The following SH3PXD2A variants were observed in gnomAD, a reference collection of about 807,000 sequenced individuals.
The protein encoded by SH3PXD2A is SH3 and PX domain-containing protein 2A.
In SH3PXD2A, 32 loss-of-function variants were observed where a neutral mutation model predicts 115.2. The ratio of observed to expected loss-of-function variants is 0.28; its 90% CI spans 0.21 to 0.37. The LOEUF (loss-of-function observed/expected upper bound fraction) is 0.37, where lower values mean the gene tolerates loss of function less well. Among genes scored for constraint, SH3PXD2A ranks in the 10% least tolerant of loss-of-function variants. The pLI is 1.00. For synonymous variants in SH3PXD2A, 610 were observed against 629.1 expected (o/e 0.97, Z 0.45); for missense variants, 1,328 against 1,498.7 (o/e 0.89, Z 1.88).
intron 7 of SH3PXD2A, chr10:103,661,627 C>G (rs2037304888): frequency 2.0e-6 from 2 of 982,720 alleles, no homozygotes; most frequent in African/African-American, 3.5e-5. Flanking sequence ...TGCCCCCAAC[C>G]CCTGCAAACC....
chr10:103,743,705 A>T (rs2038468789), intron 3 of SH3PXD2A, among the ~76,000 whole-genome samples: 1 of 152,138 alleles, frequency 6.6e-6, no homozygotes, highest in Admixed American at 6.5e-5. Flanking sequence ...AAGCAAGCAG[A>T]CACCAAGAGG....
At chr10:103,714,214 C>T (rs987172707) in intron 5 of SH3PXD2A, among the ~76,000 whole-genome samples, 1 of 152,200 alleles carries the variant, frequency 6.6e-6, no homozygotes, top group Admixed American at 6.5e-5. Context: ...CCGCCAGAGG[C>T]TCCAAAGGGC....
chr10:103,801,245 GA>G (rs1213044006), intron 2 of SH3PXD2A, 36 bp downstream of exon 2: 1 of 1,304,560 alleles, frequency 7.7e-7, no homozygotes, highest in African/African-American at 1.5e-5. Context: ...GCCCACCAGA[GA>G]GACTTGGGCC....
rs530434994 is a variant in SH3PXD2A, at chr10:103,835,289, A to G, written c.72+19906T>C. On this transcript the variant is annotated intron_variant, in intron 1 of 14. Transcript: ENST00000369774. The stretch of plus-strand genomic sequence containing the variant: ...TGGGATTTCCCACTGCTCTGACGTG[A>G]GCTCGCAGGGGTGGGAGCAGCCAGG... Among the ~76,000 whole-genome samples, 37 of 152,284 alleles carry G rather than the reference A, an allele frequency of 2.4e-4. No individual in the cohort carries two copies. In the East Asian group the frequency reaches 7.2e-3, roughly 29 times the overall value.
At chr10:103,830,551 T>C (rs2039473934) in intron 1 of SH3PXD2A, among the ~76,000 whole-genome samples, 1 of 152,194 alleles carries the variant, frequency 6.6e-6, no homozygotes, top group Non-Finnish European at 1.5e-5. Context: ...GCTGCTGCAA[T>C]GTTTGCAGTA....
chr10:103,644,585 C>A (rs1469028692), intron 8 of SH3PXD2A, among the ~76,000 whole-genome samples: 546 of 102,240 alleles, frequency 5.3e-3, no homozygotes, highest in Non-Finnish European at 5.4e-3. Flanking sequence ...GACCAAGTCT[C>A]AAAAAAAAAA....
At chr10:103,621,559 G>T (rs979751172) in intron 10 of SH3PXD2A, among the ~76,000 whole-genome samples, 1 of 152,190 alleles carries the variant, frequency 6.6e-6, no homozygotes, top group Admixed American at 6.5e-5. Context: ...GTCACTGGGT[G>T]TCCCCGCTTC....
chr10:103,688,369 C>T (rs931937200), intron 6 of SH3PXD2A, among the ~76,000 whole-genome samples: 1 of 152,154 alleles, frequency 6.6e-6, no homozygotes, highest in Non-Finnish European at 1.5e-5. Context: ...TGGTGCAAGC[C>T]CTGCAGCCAA....
chr10:103,727,487 G>A (rs910675620), intron 4 of SH3PXD2A, among the ~76,000 whole-genome samples: 6 of 152,164 alleles, frequency 3.9e-5, no homozygotes, highest in Non-Finnish European at 8.8e-5. Context: ...CAGGGATCCC[G>A]GCTCTGTGCA....
rs931913063 is a variant in SH3PXD2A at position 103,603,665 on chromosome 10, G to A, written c.1553C>T (p.Thr518Ile). Residue 518 changes from threonine (T) to isoleucine (I), a missense_variant, in exon 15 of 15, where the codon ACC (threonine) becomes ATC (isoleucine). Thr to Ile is a moderately conservative substitution (Grantham distance 89). Around this residue, in one of 5 missense-constraint regions of SH3PXD2A, gnomAD observed 509 missense variants for 628.3 expected, o/e 0.81. Coordinates refer to ENST00000369774, the MANE Select transcript of SH3PXD2A (RefSeq NM_001394015.1). Reference protein sequence around the residue: ...PNLSRRTSTLTRPKVPPPAPP... With the variant: ...PNLSRRTSTLIRPKVPPPAPP... ...TGCTGGCGGGGGCACCTTGGGCCGG[G>A]TCAGCGTGCTTGTGCGGCGGCTCAG... 5 of 1,607,054 alleles carry A rather than the reference G, an allele frequency of 3.1e-6. No homozygotes were observed. Among genetic ancestry groups the A allele is most frequent in the South Asian group, 2.2e-5 (2 of 90,264 alleles).
chr10:103,785,802 C>T (rs567541305), intron 2 of SH3PXD2A, among the ~76,000 whole-genome samples: 1 of 151,930 alleles, frequency 6.6e-6, no homozygotes, highest in African/African-American at 2.4e-5. Flanking sequence ...TTCCACCTGC[C>T]CTTCTCCCAG....
intron 1 of SH3PXD2A, among the ~76,000 whole-genome samples, chr10:103,821,896 CCTT>C (rs1432407372): frequency 2.4e-5 from 3 of 125,788 alleles, no homozygotes; most frequent in Admixed American, 8.7e-5. Flanking sequence ...CTTACTTCAT[CCTT>C]CTTCTTTTTC....
chr10:103,835,673 C>G (rs547837277), intron 1 of SH3PXD2A, among the ~76,000 whole-genome samples: 145 of 152,268 alleles, frequency 9.5e-4, no homozygotes, highest in Admixed American at 6.0e-3. Flanking sequence ...GCCGCCCCCC[C>G]AACCCCTCAC....
rs151223661 is a variant in SH3PXD2A, at chr10:103,731,165, GT to G, written c.306+4566del. The stretch of plus-strand genomic sequence containing the variant: ...ACTCCTCTGAAGGAGTCCCGTTTTT[GT>G]TTTTTTTTTTTTGAAACAGGGTCTC... On this transcript the variant is annotated intron_variant, in intron 4 of 14. Coordinates refer to ENST00000369774, the MANE Select transcript of SH3PXD2A (RefSeq NM_001394015.1). Among the ~76,000 whole-genome samples, 369 of 141,870 alleles carry G rather than the reference GT, an allele frequency of 2.6e-3. 2 individuals are homozygous for G. The highest frequency in any genetic ancestry group is 7.4e-3 in the African/African-American group (287 of 39,030). 93.1% of individuals were successfully genotyped at this position (141,870 alleles called of 152,430 possible).
rs1482501266 is a variant in SH3PXD2A, at chr10:103,594,946, T to G, written c.*6870A>C. On this transcript the variant is annotated 3_prime_UTR_variant, in exon 15 of 15. Transcript: ENST00000369774. ...TGGAGTCTGAACTCTGGTTCTAATTTGTGGAGGTGGGTCCCTACTGTATGA... is the reference window on the plus strand; with the variant it reads ...TGGAGTCTGAACTCTGGTTCTAATTGGTGGAGGTGGGTCCCTACTGTATGA... 1 of 152,168 alleles carries G rather than the reference T, an allele frequency of 6.6e-6. No individual in the cohort carries two copies. The allele number at this position is 152,168 out of a possible 1,614,324, so 9.4% of individuals were successfully genotyped here. A position where few individuals can be genotyped will look rare whatever the true frequency, so the allele number is the denominator to read the frequency against.
At chr10:103,653,064 C>G (rs1181641772) in intron 8 of SH3PXD2A, among the ~76,000 whole-genome samples, 1 of 152,182 alleles carries the variant, frequency 6.6e-6, no homozygotes, top group East Asian at 1.9e-4. Context: ...ACCCCTGCCC[C>G]CTCCCTGCTG....
At chr10:103,699,829 A>G (rs1393256205) in intron 5 of SH3PXD2A, among the ~76,000 whole-genome samples, 2 of 152,196 alleles carry the variant, frequency 1.3e-5, no homozygotes, top group African/African-American at 4.8e-5. Context: ...TGTGTTTTCC[A>G]GGGTTCTGAG....
At chr10:103,656,500 G>A (rs949391209) in intron 8 of SH3PXD2A, among the ~76,000 whole-genome samples, 7 of 152,200 alleles carry the variant, frequency 4.6e-5, no homozygotes, top group Non-Finnish European at 8.8e-5. Context: ...GAGAAGGCAG[G>A]CTGGTCTACA....
chr10:103,855,309 C>T lies in SH3PXD2A; in HGVS notation c.-43G>A. Reference sequence around the variant, plus strand: ...GTGGCGCCCCCGGCGGCGTCACCTTCTCATCCCGGCCGGGCTCCGGCTCCT... The same window carrying T: ...GTGGCGCCCCCGGCGGCGTCACCTTTTCATCCCGGCCGGGCTCCGGCTCCT... On this transcript the variant is annotated 5_prime_UTR_variant, in exon 1 of 15. Coordinates refer to ENST00000369774, the MANE Select transcript of SH3PXD2A (RefSeq NM_001394015.1). The T allele has an allele frequency of 1.4e-6, 2 of 1,463,898 alleles. No homozygotes were observed. The highest frequency in any genetic ancestry group is 1.8e-6 in the Non-Finnish European group (2 of 1,088,686). The allele number at this position is 1,463,898 out of a possible 1,614,324, so 90.7% of individuals were successfully genotyped here. A position where few individuals can be genotyped will look rare whatever the true frequency, so the allele number is the denominator to read the frequency against.
Sources: gnomAD v4.1 joint callset for allele counts (sites outside exome capture counted in the v4.1 genomes callset) on GRCh38, gnomAD v4.1.1 for gene constraint, gnomAD v4.1.1 regional missense constraint, MANE v1.5 for transcripts, NCBI Gene and HGNC (gene_info 2026-07-23, HGNC 2026-07-21) for gene names.